Variants in CRISP2 observed in about 807,000 individuals in gnomAD.
CRISP2 encodes the protein cysteine-rich secretory protein 2.
CRISP2 carries 29 observed loss-of-function variants against 31.7 expected under a neutral mutation model. The observed-to-expected ratio is 0.92, with a 90% confidence interval of 0.68 to 1.25. The LOEUF is 1.25. CRISP2 is among the 50% of genes most tolerant of loss of function. CRISP2 has a pLI of 0.00. For missense variants in CRISP2, 318 were observed against 286.5 expected (o/e 1.11, Z -0.79); for synonymous variants, 111 against 101.4 (o/e 1.09, Z -0.57).
chr6:49,698,190 A>C (rs1765097604), intron 7 of CRISP2, among the ~76,000 whole-genome samples, 172 bp downstream of exon 7: 1 of 152,174 alleles, frequency 6.6e-6, no homozygotes, highest in African/African-American at 2.4e-5. Context: ...TCCTACTAAG[A>C]GTTTGGCTGA....
intron 4 of CRISP2, among the ~76,000 whole-genome samples, chr6:49,701,070 A>G (rs1765585186): frequency 6.6e-6 from 1 of 152,074 alleles, no homozygotes; most frequent in Admixed American, 6.6e-5. Context: ...TGAGTAACTC[A>G]TGGCATGACA....
intron 9 of CRISP2, among the ~76,000 whole-genome samples, chr6:49,693,152 C>G (rs1362208214): frequency 6.6e-6 from 1 of 152,128 alleles, no homozygotes; most frequent in African/African-American, 2.4e-5. Flanking sequence ...AAATCCATCA[C>G]TCTTTAAATT....
At chr6:49,678,727 C>T in the CRISP2 span, among the ~76,000 whole-genome samples, 1 of 152,150 alleles carries the variant, frequency 6.6e-6, no homozygotes, top group African/African-American at 2.4e-5. Context: ...GATCACTGTA[C>T]ACTAAGCAGG....
the CRISP2 span, among the ~76,000 whole-genome samples, chr6:49,682,465 C>T: frequency 1.3e-5 from 1 of 77,890 alleles, no homozygotes; most frequent in African/African-American, 6.5e-5. Context: ...CCTTCTTCCC[C>T]ATCCCTCCCT....
intron 4 of CRISP2, among the ~76,000 whole-genome samples, chr6:49,701,535 C>T (rs1765733053): frequency 7.5e-6 from 1 of 133,660 alleles, no homozygotes; most frequent in African/African-American, 2.8e-5. Context: ...TACACACACA[C>T]ACACACACAG....
At chr6:49,709,518 T>C (rs1387932815) in intron 3 of CRISP2, among the ~76,000 whole-genome samples, 1 of 152,204 alleles carries the variant, frequency 6.6e-6, no homozygotes, top group Non-Finnish European at 1.5e-5. Flanking sequence ...AAAAAGAAAA[T>C]AGATTCCTTA....
At chr6:49,702,154 T>TACATTATATATATGTGTAC (rs1766152578) in intron 4 of CRISP2, among the ~76,000 whole-genome samples, 3 of 57,660 alleles carry the variant, frequency 5.2e-5, no homozygotes, top group African/African-American at 2.1e-4. Flanking sequence ...TATATATATA[T>TACATTATATATATGTGTAC]ATATATATAT....
intron 2 of CRISP2, among the ~76,000 whole-genome samples, chr6:49,711,928 T>C (rs1257724759): frequency 6.6e-6 from 1 of 152,168 alleles, no homozygotes; most frequent in Non-Finnish European, 1.5e-5. Flanking sequence ...AAACGGAAAT[T>C]ATTCATGTTT....
chr6:49,699,149 T>C (rs1211316153), intron 6 of CRISP2, among the ~76,000 whole-genome samples: 2 of 152,132 alleles, frequency 1.3e-5, no homozygotes, highest in African/African-American at 4.8e-5. Flanking sequence ...ATCCTTGATA[T>C]GTCTTTTTAA....
the CRISP2 span, among the ~76,000 whole-genome samples, chr6:49,686,329 A>G: frequency 6.6e-6 from 1 of 152,224 alleles, no homozygotes; most frequent in Admixed American, 6.5e-5. Flanking sequence ...AATCTTGCAC[A>G]TATGTATTTT....
chr6:49,683,850 T>A, the CRISP2 span, among the ~76,000 whole-genome samples: 4 of 150,620 alleles, frequency 2.7e-5, no homozygotes, highest in Non-Finnish European at 5.9e-5. Flanking sequence ...ACAGAACAAG[T>A]AATCTACCTA....
chr6:49,686,843 C>T, the CRISP2 span, among the ~76,000 whole-genome samples: 2 of 152,080 alleles, frequency 1.3e-5, no homozygotes, highest in Non-Finnish European at 2.9e-5. Context: ...GAAAATGTGG[C>T]ACATATACAC....
downstream of CRISP2, among the ~76,000 whole-genome samples, chr6:49,690,175 T>A (rs1764004139): frequency 6.6e-6 from 1 of 152,138 alleles, no homozygotes; most frequent in Admixed American, 6.5e-5. Flanking sequence ...ACAGAATTGA[T>A]GATAAAGACA....
the CRISP2 span, among the ~76,000 whole-genome samples, chr6:49,678,748 A>G: frequency 6.6e-6 from 1 of 152,176 alleles, no homozygotes; most frequent in Non-Finnish European, 1.5e-5. Flanking sequence ...AGCAGCATCA[A>G]GTTGATACTG....
the CRISP2 span, among the ~76,000 whole-genome samples, chr6:49,681,332 T>C: frequency 6.6e-6 from 1 of 152,196 alleles, no homozygotes; most frequent in East Asian, 1.9e-4. Flanking sequence ...CTGGGTTCTC[T>C]ATTCTGTTCC....
At chr6:49,677,243 C>T in the CRISP2 span, among the ~76,000 whole-genome samples, 283 of 152,208 alleles carry the variant, frequency 1.9e-3, no homozygotes, top group Non-Finnish European at 3.1e-3. Flanking sequence ...TATTGTGATA[C>T]GTTCTTTCCA....
At chr6:49,702,142 T>C (rs1582090308) in intron 4 of CRISP2, among the ~76,000 whole-genome samples, 1 of 3,092 alleles carries the variant, frequency 3.2e-4, no homozygotes, top group Non-Finnish European at 5.4e-4. Context: ...ATGTGTACTA[T>C]ATATATATAT....
downstream of CRISP2, among the ~76,000 whole-genome samples, chr6:49,688,605 T>C (rs569955905): frequency 6.6e-6 from 1 of 152,260 alleles, no homozygotes; most frequent in African/African-American, 2.4e-5. Flanking sequence ...ATGTTACCTG[T>C]TGAGTGGGGA....
chr6:49,702,564 T>C (rs1254556515), intron 4 of CRISP2, among the ~76,000 whole-genome samples: 1 of 152,064 alleles, frequency 6.6e-6, no homozygotes, highest in Non-Finnish European at 1.5e-5. Context: ...ATTAATAATG[T>C]TGAGCAGCTT....
Sources: allele counts gnomAD v4.1 joint callset (sites outside exome capture counted in the v4.1 genomes callset), GRCh38; gene constraint gnomAD v4.1.1; transcripts MANE v1.5; gene names NCBI Gene and HGNC (gene_info 2026-07-23, HGNC 2026-07-21).